OR14J1: variants seen among roughly 807,000 people sequenced by gnomAD.
The protein encoded by OR14J1 is olfactory receptor family 14 subfamily J member 1, also known as olfactory receptor 14J1.
For synonymous variants in OR14J1, 140 were observed against 146.7 expected, an observed-to-expected ratio of 0.95 and a Z score of 0.33; for missense variants, 378 against 393.4, an observed-to-expected ratio of 0.96 and a Z score of 0.33.
rs1022608299 is a variant in OR14J1, at chr6:29,306,744, C to T, written c.55C>T (p.Arg19Cys). The T allele has an allele frequency of 7.4e-6, 12 of 1,612,874 alleles. No homozygotes were observed. Among genetic ancestry groups the T allele is most frequent in the African/African-American group, 2.7e-5 (2 of 74,912 alleles). The change falls in exon 2 of 2, where the codon CGT becomes TGT. Residue 19 changes from arginine to cysteine, a missense_variant. Transcript: ENST00000641895. ...GFLLMGFSDE[R>C]KLQILHALVF... ...CCTTCTTATGGGGTTTTCTGATGAG[C>T]GTAAGCTTCAGATTTTACATGCATT...
At chr6:29,302,159 A>ATTTTTTTTTCT (rs1271924303) in intron 1 of OR14J1, among the ~76,000 whole-genome samples, 1 of 115,548 alleles carries the variant, frequency 8.7e-6, no homozygotes, top group Non-Finnish European at 1.7e-5. Context: ...ATGAGGGGAG[A>ATTTTTTTTTCT]TTTTTTTTCT....
chr6:29,302,560 A>C (rs1774791492), intron 1 of OR14J1, among the ~76,000 whole-genome samples: 1 of 151,982 alleles, frequency 6.6e-6, no homozygotes, highest in Non-Finnish European at 1.5e-5. Flanking sequence ...TGGTGATACA[A>C]CCTGATTGAT....
rs1775307393 is a variant in OR14J1 at position 29,308,949 on chromosome 6, A to G, written c.*1294A>G. Reference sequence around the variant, plus strand: ...GCAGGTTTGTTACGTAGGTATATACATGCCATGGTGGTTTGCTGCACCCAT... The same window carrying G: ...GCAGGTTTGTTACGTAGGTATATACGTGCCATGGTGGTTTGCTGCACCCAT... On this transcript the variant is annotated 3_prime_UTR_variant, in exon 2 of 2. Coordinates refer to ENST00000641895, the MANE Select transcript of OR14J1 (RefSeq NM_030946.2). The G allele has an allele frequency of 1.3e-5, 2 of 152,096 alleles. No individual in the cohort carries two copies. Among genetic ancestry groups the G allele is most frequent in the African/African-American group, 4.8e-5 (2 of 41,504 alleles). The allele number at this position is 152,096 out of a possible 1,614,324, so 9.4% of individuals were successfully genotyped here.
intron 1 of OR14J1, among the ~76,000 whole-genome samples, chr6:29,306,258 T>C (rs1380869640): frequency 1.3e-5 from 2 of 152,208 alleles, no homozygotes; most frequent in African/African-American, 4.8e-5. Context: ...CTAGATCCAT[T>C]TGCAAGGTGG....
chr6:29,307,178 C>T lies in OR14J1; in HGVS notation c.489C>T (p.Ser163=), dbSNP rs143837110. ...SGLMHAAINF[S]IPLCGKRVIH... is the part of the protein sequence containing the mutation. ...TCATGCATGCTGCCATTAACTTCTC[C>T]ATACCTCTCTGTGGGAAGAGAGTCA... The change falls in exon 2 of 2, where the codon TCC becomes TCT. Residue 163 remains serine, a synonymous_variant. Coordinates refer to ENST00000641895, the MANE Select transcript of OR14J1 (RefSeq NM_030946.2). 2.5e-6 allele frequency: 4 copies of T among 1,612,924 alleles called. No individual in the cohort carries two copies. In the African/African-American group the frequency reaches 5.3e-5, roughly 22 times the overall value.
At chr6:29,305,692 AT>A (rs1775028866) in intron 1 of OR14J1, among the ~76,000 whole-genome samples, 1 of 152,124 alleles carries the variant, frequency 6.6e-6, no homozygotes, top group East Asian at 1.9e-4. Flanking sequence ...GAAAAGTTAC[AT>A]CATTTAATCC....
chr6:29,306,638 T>C, intron 1 of OR14J1, 24 bp from the exon 2 acceptor site: 1 of 1,136,018 alleles, frequency 8.8e-7, no homozygotes, highest in African/African-American at 1.5e-5. Flanking sequence ...ATTTTCTTCC[T>C]ACTGTCTTTG....
Position 29,307,074 on chromosome 6 carries a change from C to G in OR14J1, c.385C>G (p.His129Asp), listed in dbSNP as rs558781038. Reference sequence around the variant, plus strand: ...GTACGCAGCAATCTGTCAACCACTTCATTATGAGACTATTATGGATCCCCG... The same window carrying G: ...GTACGCAGCAATCTGTCAACCACTTGATTATGAGACTATTATGGATCCCCG... ...DRYAAICQPL[H>D]YETIMDPRAC... Residue 129 changes from histidine (H) to aspartate (D), a missense_variant, in exon 2 of 2, where the codon CAT (histidine) becomes GAT (aspartate). His to Asp is a moderately conservative substitution (Grantham distance 81). Coordinates refer to ENST00000641895, the MANE Select transcript of OR14J1 (RefSeq NM_030946.2). 8 of 1,613,076 alleles carry G rather than the reference C, an allele frequency of 5.0e-6. No homozygotes were observed. In the African/African-American group the frequency reaches 9.3e-5, roughly 19 times the overall value.
At chr6:29,304,766 C>T (rs116013196) in intron 1 of OR14J1, among the ~76,000 whole-genome samples, 2,354 of 152,176 alleles carry the variant, frequency 0.015, 50 homozygotes, top group African/African-American at 0.052. Context: ...TTTTTTCTTA[C>T]GATTTTTCTC....
Position 29,308,975 on chromosome 6 carries a change from C to T in OR14J1, c.*1320C>T, listed in dbSNP as rs540826035. 2.3e-4 allele frequency: 35 copies of T among 152,176 alleles called. No homozygotes were observed. Among genetic ancestry groups the T allele is most frequent in the African/African-American group, 8.2e-4 (34 of 41,510 alleles). The allele number at this position is 152,176 out of a possible 1,614,324, so 9.4% of individuals were successfully genotyped here. On this transcript the variant is annotated 3_prime_UTR_variant, in exon 2 of 2. Coordinates refer to ENST00000641895, the MANE Select transcript of OR14J1 (RefSeq NM_030946.2). ...TGCCATGGTGGTTTGCTGCACCCAT[C>T]AACCTGTCAACTACGTTAGGTATTT... is the stretch of plus-strand genomic sequence containing the variant.
chr6:29,303,186 T>C (rs1250741983), intron 1 of OR14J1, among the ~76,000 whole-genome samples: 3 of 152,230 alleles, frequency 2.0e-5, no homozygotes, highest in African/African-American at 7.2e-5. Flanking sequence ...ATCTGTCTTC[T>C]TTAAAAGGCA....
rs1390930367 is a variant in OR14J1, at chr6:29,306,923, G to A, written c.234G>A (p.Gln78=). The A allele has an allele frequency of 6.2e-7, 1 of 1,613,056 alleles. No individual in the cohort carries two copies. Among genetic ancestry groups the A allele is most frequent in the East Asian group, 2.2e-5 (1 of 44,886 alleles). ...GCTTCATCTCTGTCACAGTCCCCCAGTCCATTGCAAATTCACTTATGGGCA... is the reference window on the plus strand; with the variant it reads ...GCTTCATCTCTGTCACAGTCCCCCAATCCATTGCAAATTCACTTATGGGCA... The part of the protein sequence containing the change: ...DLCFISVTVP[Q]SIANSLMGNG... The change falls in exon 2 of 2, where the codon CAG becomes CAA. Residue 78 remains glutamine, a synonymous_variant. Coordinates refer to ENST00000641895, the MANE Select transcript of OR14J1 (RefSeq NM_030946.2).
intron 1 of OR14J1, among the ~76,000 whole-genome samples, chr6:29,305,990 C>G (rs1202137623): frequency 6.6e-6 from 1 of 152,098 alleles, no homozygotes; most frequent in Non-Finnish European, 1.5e-5. Flanking sequence ...ATTAAACGTT[C>G]TTTGACGGTG....
At chr6:29,305,768 G>T (rs1775037342) in intron 1 of OR14J1, among the ~76,000 whole-genome samples, 1 of 151,390 alleles carries the variant, frequency 6.6e-6, no homozygotes, top group Non-Finnish European at 1.5e-5. Context: ...TAAGAAATGG[G>T]CTCCCACTAT....
chr6:29,310,385 C>G lies in OR14J1; in HGVS notation c.*2730C>G, dbSNP rs1239837913. ...TAAATAGGGGATTCTTTCCCCATTGCTTGTTTTTGTCAAGTTTGTCAAAGA... is the reference window on the plus strand; with the variant it reads ...TAAATAGGGGATTCTTTCCCCATTGGTTGTTTTTGTCAAGTTTGTCAAAGA... On this transcript the variant is annotated 3_prime_UTR_variant, in exon 2 of 2. Coordinates refer to ENST00000641895, the MANE Select transcript of OR14J1 (RefSeq NM_030946.2). 2.0e-5 allele frequency: 3 copies of G among 152,162 alleles called. No homozygotes were observed. Among genetic ancestry groups the G allele is most frequent in the African/African-American group, 7.2e-5 (3 of 41,444 alleles). The allele number at this position is 152,162 out of a possible 1,614,324, so 9.4% of individuals were successfully genotyped here. A position where few individuals can be genotyped will look rare whatever the true frequency, so the allele number is the denominator to read the frequency against.
At chr6:29,304,508 A>T (rs73407431) in intron 1 of OR14J1, among the ~76,000 whole-genome samples, 3,378 of 152,284 alleles carry the variant, frequency 0.022, 71 homozygotes, top group African/African-American at 0.058. Flanking sequence ...GATTGAACAC[A>T]GGTTTTATAT....
Position 29,307,374 on chromosome 6 carries a change from G to C in OR14J1, c.685G>C (p.Ala229Pro). The change falls in exon 2 of 2, where the codon GCT becomes CCT. Residue 229 changes from alanine to proline, a missense_variant. By Grantham distance (27) the Ala-to-Pro change is conservative (BLOSUM62 -1). Transcript: ENST00000641895. ...CTCTACAGTGCTGAGAATCCCATCA[G>C]CTGAGGGCCGGACCAAGGTCTTCTC... ...IFSTVLRIPS[A>P]EGRTKVFSTC... The C allele has an allele frequency of 6.2e-7, 1 of 1,613,068 alleles. No homozygotes were observed. Among genetic ancestry groups the C allele is most frequent in the Non-Finnish European group, 8.5e-7 (1 of 1,180,024 alleles).
chr6:29,305,216 G>A (rs1290898456), intron 1 of OR14J1, among the ~76,000 whole-genome samples: 1 of 152,106 alleles, frequency 6.6e-6, no homozygotes, highest in Non-Finnish European at 1.5e-5. Flanking sequence ...CTAAAAATTA[G>A]TTTCAGTCAG....
chr6:29,303,391 G>A (rs1774840701), intron 1 of OR14J1, among the ~76,000 whole-genome samples: 1 of 152,128 alleles, frequency 6.6e-6, no homozygotes, highest in African/African-American at 2.4e-5. Context: ...AGAAAGAACT[G>A]TATAATAGTG....
Sources: allele counts gnomAD v4.1 joint callset (sites outside exome capture counted in the v4.1 genomes callset), GRCh38; gene constraint gnomAD v4.1.1; transcripts MANE v1.5; gene names NCBI Gene and HGNC (gene_info 2026-07-23, HGNC 2026-07-21).